Variants in MYO16 observed in about 807,000 individuals in gnomAD.
MYO16 encodes myosin XVI.
Under a neutral mutation model 205.3 loss-of-function variants are expected in MYO16, and 94 were observed. The ratio of observed to expected loss-of-function variants is 0.46; its 90% CI spans 0.39 to 0.54. The LOEUF (loss-of-function observed/expected upper bound fraction) is 0.54, where lower values mean the gene tolerates loss of function less well. Ranked by LOEUF, MYO16 falls within the 20% of genes least tolerant of loss-of-function variation. The probability of loss-of-function intolerance (pLI) is 0.00; values close to 1 mark genes in which losing one functional copy is unlikely to be tolerated. For synonymous variants in MYO16, 988 were observed against 954.0 expected, an observed-to-expected ratio of 1.04 and a Z score of -0.66; for missense variants, 2,315 against 2,387.5, an observed-to-expected ratio of 0.97 and a Z score of 0.63.
At chr13:108,796,496 G>A (rs544902009) in intron 6 of MYO16, among the ~76,000 whole-genome samples, 3 of 152,186 alleles carry the variant, frequency 2.0e-5, no homozygotes, top group South Asian at 2.1e-4. Flanking sequence ...TATTCACAAT[G>A]GCAAAGACTT....
At chr13:108,796,002 A>T (rs1489942723) in intron 6 of MYO16, among the ~76,000 whole-genome samples, 1 of 152,144 alleles carries the variant, frequency 6.6e-6, no homozygotes, top group Non-Finnish European at 1.5e-5. Flanking sequence ...CAAACCACAA[A>T]CTCCTACAGT....
chr13:109,207,115 T>C lies in MYO16; in HGVS notation c.*279T>C. 1 of 404,268 alleles carries C rather than the reference T, an allele frequency of 2.5e-6. No individual in the cohort carries two copies. Among genetic ancestry groups the C allele is most frequent in the Non-Finnish European group, 4.5e-6 (1 of 220,248 alleles). The allele number at this position is 404,268 out of a possible 1,614,324, so 25.0% of individuals were successfully genotyped here. A position where few individuals can be genotyped will look rare whatever the true frequency, so the allele number is the denominator to read the frequency against. ...TACCCCTAGGTAGCAAGAGAGAGGC[T>C]GGGAAAAGTGTGGACGTGGCCAGAG... is the stretch of plus-strand genomic sequence containing the variant. On this transcript the variant is annotated 3_prime_UTR_variant, in exon 35 of 35. Transcript: ENST00000457511.
At chr13:108,631,039 T>G (rs1178460669) in intron 1 of MYO16, among the ~76,000 whole-genome samples, 3 of 152,242 alleles carry the variant, frequency 2.0e-5, no homozygotes, top group African/African-American at 7.2e-5. Flanking sequence ...ATTAGAGGCA[T>G]GCAGCGTATT....
chr13:108,758,546 C>T (rs967027839), intron 4 of MYO16, among the ~76,000 whole-genome samples: 58 of 152,166 alleles, frequency 3.8e-4, no homozygotes, highest in African/African-American at 1.2e-3. Flanking sequence ...TGTGCACAGG[C>T]AGATGGAGAA....
intron 2 of MYO16, among the ~76,000 whole-genome samples, chr13:108,667,251 G>A (rs927174123): frequency 6.7e-6 from 1 of 150,046 alleles, no homozygotes; most frequent in Non-Finnish European, 1.5e-5. Flanking sequence ...GAAGACTCAA[G>A]TCATTTTTTT....
At chr13:108,825,257 T>C (rs933130031) in intron 9 of MYO16, among the ~76,000 whole-genome samples, 4 of 152,034 alleles carry the variant, frequency 2.6e-5, no homozygotes, top group African/African-American at 9.7e-5. Context: ...TCAGAAAATA[T>C]GGTATATCAT....
chr13:108,711,480 A>T (rs1883721156), intron 2 of MYO16, among the ~76,000 whole-genome samples: 1 of 152,246 alleles, frequency 6.6e-6, no homozygotes, highest in African/African-American at 2.4e-5. Context: ...CGTGGCCAGG[A>T]TGCACGGGGC....
At chr13:109,087,037 G>A (rs1354468142) in intron 27 of MYO16, among the ~76,000 whole-genome samples, 1 of 152,148 alleles carries the variant, frequency 6.6e-6, no homozygotes, top group Non-Finnish European at 1.5e-5. Flanking sequence ...TATTTTTAAA[G>A]TAATATTTTT....
chr13:109,122,539 A>G (rs1405111667), intron 29 of MYO16, among the ~76,000 whole-genome samples: 1 of 152,036 alleles, frequency 6.6e-6, no homozygotes, highest in Non-Finnish European at 1.5e-5. Flanking sequence ...TTAGCCGGGC[A>G]TGGTAGCGCA....
In MYO16 at chr13:108,992,379, G is replaced by A. The variant is rs1594452761; in HGVS notation, c.2373G>A (p.Met791Ile). Residue 791 changes from methionine (M) to isoleucine (I), a missense_variant, in exon 21 of 35, where the codon ATG becomes ATA. By Grantham distance (10) the Met-to-Ile change is conservative. Transcript: ENST00000457511. ...CLHSQDEQKSMQTLDIGILDI... is the reference protein window; with the variant it reads ...CLHSQDEQKSIQTLDIGILDI... The stretch of plus-strand genomic sequence containing the variant: ...CTGGTGTATTGTTTTGTTTCAGCAT[G>A]CAGACATTGGATATTGGAATATTGG... 6.2e-7 allele frequency: 1 copy of A among 1,607,780 alleles called. No homozygotes were observed. The highest frequency in any genetic ancestry group is 8.5e-7 in the Non-Finnish European group (1 of 1,175,582).
intron 34 of MYO16, among the ~76,000 whole-genome samples, chr13:109,187,705 A>T (rs1334242233): frequency 6.6e-6 from 1 of 152,128 alleles, no homozygotes; most frequent in Admixed American, 6.6e-5. Flanking sequence ...TTCCCCTATG[A>T]TCTGAGGGTA....
At chr13:108,703,860 C>T (rs1883401085) in intron 2 of MYO16, among the ~76,000 whole-genome samples, 2 of 152,128 alleles carry the variant, frequency 1.3e-5, no homozygotes, top group African/African-American at 4.8e-5. Context: ...CCCAGTAAAT[C>T]AGAATGTGAC....
intron 16 of MYO16, among the ~76,000 whole-genome samples, chr13:108,925,539 T>C (rs1213647342): frequency 6.6e-6 from 1 of 152,186 alleles, no homozygotes; most frequent in Non-Finnish European, 1.5e-5. Context: ...GGTTGAACAT[T>C]TTGACTTTCT....
Position 109,055,171 on chromosome 13 carries a change from G to T in MYO16, c.3129+45G>T. 5 of 1,451,054 alleles carry T rather than the reference G, an allele frequency of 3.4e-6. No individual in the cohort carries two copies. Among genetic ancestry groups the T allele is most frequent in the Non-Finnish European group, 4.7e-6 (5 of 1,061,830 alleles). The allele number at this position is 1,451,054 out of a possible 1,614,324, so 89.9% of individuals were successfully genotyped here. A position where few individuals can be genotyped will look rare whatever the true frequency, so the allele number is the denominator to read the frequency against. Reference sequence around the variant, plus strand: ...TTCAAAAACTTAATGTATGTTTATAGCAACTAAAGAGGGTTTATGTAGACT... The same window carrying T: ...TTCAAAAACTTAATGTATGTTTATATCAACTAAAGAGGGTTTATGTAGACT... On this transcript the variant is annotated intron_variant, in intron 26 of 34. Transcript: ENST00000457511. This position sits in a 1 kb window ranked among gnomAD's most constrained non-coding sequence, Gnocchi z 5.0.
intron 1 of MYO16, among the ~76,000 whole-genome samples, chr13:108,636,357 TTTTTTTTTTTTTTG>T (rs1210732303): frequency 1.2e-4 from 7 of 60,726 alleles, no homozygotes; most frequent in African/African-American, 5.0e-4. Flanking sequence ...TTTTTTTTTT[TTTTTTTTTTTTTTG>T]TGTGTGTGTG....
intron 11 of MYO16, among the ~76,000 whole-genome samples, chr13:108,855,840 G>C (rs1490698198): frequency 1.3e-5 from 2 of 152,172 alleles, no homozygotes; most frequent in Non-Finnish European, 2.9e-5. Flanking sequence ...GGAAGATCTT[G>C]CTAGAACCAG....
intron 16 of MYO16, among the ~76,000 whole-genome samples, chr13:108,948,106 C>T (rs919629044): frequency 2.6e-5 from 4 of 152,194 alleles, no homozygotes; most frequent in Middle Eastern, 3.4e-3. Context: ...TCAGATAGTT[C>T]GAAAACAATA....
intron 24 of MYO16, 38 bp downstream of exon 24, chr13:109,047,029 A>C: frequency 7.3e-7 from 1 of 1,370,056 alleles, no homozygotes; most frequent in Non-Finnish European, 1.0e-6. Context: ...ACTGGTTAAA[A>C]TGCCATGCAT....
At chr13:109,054,227 A>G (rs914243126) in intron 25 of MYO16, 5 of 246,770 alleles carry the variant, frequency 2.0e-5, no homozygotes, top group South Asian at 1.8e-4. Flanking sequence ...AATCTTTTCT[A>G]CATATGATCT....
Sources: gnomAD v4.1 joint callset for allele counts (sites outside exome capture counted in the v4.1 genomes callset) on GRCh38, gnomAD v4.1.1 for gene constraint, Gnocchi (gnomAD v3.1) non-coding constraint, MANE v1.5 for transcripts, NCBI Gene and HGNC (gene_info 2026-07-23, HGNC 2026-07-21) for gene names.